Variants in CAMK4 observed in about 807,000 individuals in gnomAD.
CAMK4 encodes calcium/calmodulin-dependent protein kinase type IV.
In CAMK4, 22 loss-of-function variants were observed where a neutral mutation model predicts 44.9. The observed-to-expected ratio is 0.49, with a 90% CI of 0.35 to 0.70. CAMK4 has a LOEUF of 0.70. Ranked by LOEUF, CAMK4 falls within the 30% of genes least tolerant of loss-of-function variation. The pLI is 0.01. For synonymous variants in CAMK4, 218 were observed against 215.4 expected (o/e 1.01, Z -0.11); for missense variants, 498 against 586.8 (o/e 0.85, Z 1.56).
At chr5:111,265,388 C>T (rs1256803478) in intron 1 of CAMK4, among the ~76,000 whole-genome samples, 1 of 152,164 alleles carries the variant, frequency 6.6e-6, no homozygotes, top group African/African-American at 2.4e-5. Context: ...GGCTACTAAA[C>T]CATCTTTTAG....
intron 1 of CAMK4, among the ~76,000 whole-genome samples, chr5:111,262,280 G>A (rs189964277): frequency 6.6e-6 from 1 of 152,244 alleles, no homozygotes; most frequent in East Asian, 1.9e-4. Context: ...AAGCACTGGG[G>A]TGAGCTGGTG....
intron 2 of CAMK4, among the ~76,000 whole-genome samples, chr5:111,351,409 C>CTT (rs1230580699): frequency 2.8e-5 from 4 of 142,632 alleles, no homozygotes; most frequent in African/African-American, 7.7e-5. Context: ...TTTTCTTTTT[C>CTT]TTTTTTTTTT....
At chr5:111,332,491 TG>T in intron 1 of CAMK4, among the ~76,000 whole-genome samples, 1 of 151,676 alleles carries the variant, frequency 6.6e-6, no homozygotes, top group Non-Finnish European at 1.5e-5. Flanking sequence ...GTTGGACATT[TG>T]GGTTGGTTCC....
chr5:111,326,335 A>T (rs1264261721), intron 1 of CAMK4, among the ~76,000 whole-genome samples: 1 of 152,000 alleles, frequency 6.6e-6, no homozygotes, highest in African/African-American at 2.4e-5. Flanking sequence ...GGGCTAATAC[A>T]TTCAACAAAC....
chr5:111,428,625 A>G (rs1005188912), intron 5 of CAMK4, among the ~76,000 whole-genome samples: 1 of 152,254 alleles, frequency 6.6e-6, no homozygotes, highest in Non-Finnish European at 1.5e-5. Flanking sequence ...TAATAGCAGA[A>G]TGAATCAATC....
rs1755855214 is a variant in CAMK4 at position 111,491,982 on chromosome 5, C to T, written c.*7516C>T. ...AGAAAGCCATTTTCTAATCCCCACG[C>T]TTTCCTGAGTGTTACGTATTTTATT... is the stretch of plus-strand genomic sequence containing the variant. On this transcript the variant is annotated 3_prime_UTR_variant, in exon 11 of 11. Coordinates refer to ENST00000282356, the MANE Select transcript of CAMK4 (RefSeq NM_001744.6). 1 of 152,010 alleles carries T rather than the reference C, an allele frequency of 6.6e-6. No homozygotes were observed. The highest frequency in any genetic ancestry group is 6.6e-5 in the Admixed American group (1 of 15,264). The allele number at this position is 152,010 out of a possible 1,614,324, so 9.4% of individuals were successfully genotyped here.
rs10056671 is a variant in CAMK4, at chr5:111,480,225, T to G, written c.828+1718T>G. On this transcript the variant is annotated intron_variant, in intron 9 of 10. Coordinates refer to ENST00000282356, the MANE Select transcript of CAMK4 (RefSeq NM_001744.6). Reference sequence around the variant, plus strand: ...ATGTTCTTTCTTCCTCCCCACCTTCTTCTCCATTACACATAGGCATGTAAA... The same window carrying G: ...ATGTTCTTTCTTCCTCCCCACCTTCGTCTCCATTACACATAGGCATGTAAA... Among the ~76,000 whole-genome samples, 575 of 134,618 alleles carry G rather than the reference T, an allele frequency of 4.3e-3. 3 individuals are homozygous for G. Among genetic ancestry groups the G allele is most frequent in the African/African-American group, 0.016 (559 of 35,084 alleles). The allele number at this position is 134,618 out of a possible 152,430, so 88.3% of individuals were successfully genotyped here. A position where few individuals can be genotyped will look rare whatever the true frequency, so the allele number is the denominator to read the frequency against.
At chr5:111,471,467 CT>C (rs1442843356) in intron 7 of CAMK4, among the ~76,000 whole-genome samples, 3 of 150,414 alleles carry the variant, frequency 2.0e-5, no homozygotes, top group Non-Finnish European at 4.4e-5. Context: ...TCCCCACAAA[CT>C]TTTTATAAAG....
At position 111,399,893 on chromosome 5, in the gene CAMK4, C is replaced by G. The variant is rs1752159885; in HGVS notation, c.459+5111C>G. On this transcript the variant is annotated intron_variant, in intron 5 of 10. Coordinates refer to ENST00000282356, the MANE Select transcript of CAMK4 (RefSeq NM_001744.6). ...CTCAATATAGTAATACCTCATGTAG[C>G]TGACTGGGAAACTCTCTTATTCAAT... 2.6e-5 allele frequency among the ~76,000 whole-genome samples: 4 copies of G among 152,152 alleles called. No homozygotes were observed. The South Asian group carries it at 8.3e-4, about 32-fold the overall frequency.
chr5:111,409,343 G>A (rs976452644), intron 5 of CAMK4, among the ~76,000 whole-genome samples: 1 of 152,204 alleles, frequency 6.6e-6, no homozygotes, highest in Non-Finnish European at 1.5e-5. Context: ...ACCTTCTGAA[G>A]CAATGGCCTG....
chr5:111,461,578 A>G (rs765915836), intron 7 of CAMK4, among the ~76,000 whole-genome samples: 2 of 152,114 alleles, frequency 1.3e-5, no homozygotes, highest in African/African-American at 4.8e-5. Context: ...AGCTGCCTCA[A>G]GTGCATTCTT....
chr5:111,396,444 A>G (rs984722793), intron 5 of CAMK4, among the ~76,000 whole-genome samples: 1 of 151,984 alleles, frequency 6.6e-6, no homozygotes, highest in African/African-American at 2.4e-5. Context: ...CTGGTTTCCT[A>G]GGTTTGCACA....
intron 5 of CAMK4, among the ~76,000 whole-genome samples, chr5:111,422,609 C>A (rs1280520160): frequency 6.6e-6 from 1 of 152,180 alleles, no homozygotes; most frequent in African/African-American, 2.4e-5. Flanking sequence ...CTGTTTAAAT[C>A]AAAGCAGATG....
intron 2 of CAMK4, among the ~76,000 whole-genome samples, chr5:111,358,928 A>G (rs540167761): frequency 6.6e-6 from 1 of 152,226 alleles, no homozygotes; most frequent in Non-Finnish European, 1.5e-5. Flanking sequence ...TTATGGCTGC[A>G]TAGTATTCTA....
rs776075749 is a variant in CAMK4 at position 111,484,101 on chromosome 5, C to G, written c.1057C>G (p.His353Asp). 1.9e-6 allele frequency: 3 copies of G among 1,613,632 alleles called. No homozygotes were observed. The East Asian group carries it at 6.7e-5, about 36-fold the overall frequency. ...SSSHGSIQES[H>D]KASRDPSPIQ... The stretch of plus-strand genomic sequence containing the variant: ...CAGCCATGGCAGCATCCAGGAGAGC[C>G]ACAAGGCTAGCCGAGACCCTTCTCC... The change falls in exon 11 of 11, where the codon CAC becomes GAC. Residue 353 changes from histidine to aspartate, a missense_variant. Physicochemically the swap from His to Asp is moderately conservative, Grantham distance 81. This residue lies in a region of CAMK4 where 143 missense variants were observed against 144.9 expected (regional missense o/e 0.99). Transcript: ENST00000282356. This position sits in a 1 kb window ranked among gnomAD's most constrained non-coding sequence, Gnocchi z 5.3.
chr5:111,333,993 G>C (rs1749287455), intron 1 of CAMK4, among the ~76,000 whole-genome samples: 1 of 151,422 alleles, frequency 6.6e-6, no homozygotes, highest in African/African-American at 2.4e-5. Context: ...GAAGACTGAA[G>C]TGAGGTGCTT....
chr5:111,331,330 A>G (rs1749160534), intron 1 of CAMK4, among the ~76,000 whole-genome samples: 1 of 151,770 alleles, frequency 6.6e-6, no homozygotes, highest in African/African-American at 2.4e-5. Context: ...AAGTCCCTGC[A>G]AAAGTACTCA....
intron 5 of CAMK4, among the ~76,000 whole-genome samples, chr5:111,426,224 C>T (rs944038964): frequency 2.6e-5 from 4 of 152,084 alleles, no homozygotes; most frequent in African/African-American, 9.7e-5. Flanking sequence ...AACAATTCTG[C>T]AACATGTTTG....
At chr5:111,457,386 T>C (rs1754456799) in intron 7 of CAMK4, among the ~76,000 whole-genome samples, 1 of 152,198 alleles carries the variant, frequency 6.6e-6, no homozygotes. Flanking sequence ...CCTATGAATA[T>C]TACCATTGAA....
Sources: gnomAD v4.1 joint callset for allele counts (sites outside exome capture counted in the v4.1 genomes callset) on GRCh38, gnomAD v4.1.1 for gene constraint, gnomAD v4.1.1 regional missense constraint, Gnocchi (gnomAD v3.1) non-coding constraint, MANE v1.5 for transcripts, NCBI Gene and HGNC (gene_info 2026-07-23, HGNC 2026-07-21) for gene names.